Variants in NIPBL observed in about 807,000 individuals in gnomAD.
NIPBL encodes the protein NIPBL cohesin loading factor.
A neutral mutation model predicts 321.8 loss-of-function variants in NIPBL; 19 were observed. The ratio of observed to expected loss-of-function variants is 0.06; its 90% CI spans 0.04 to 0.09. NIPBL has a LOEUF of 0.09. NIPBL is among the 10% of genes least tolerant of loss of function. The pLI is 1.00. For missense variants in NIPBL, 2,210 were observed against 3,327.0 expected (o/e 0.66, Z 8.26); for synonymous variants, 1,106 against 1,114.1 (o/e 0.99, Z 0.14).
At chr5:37,035,537 T>A (rs972596759) in intron 32 of NIPBL, among the ~76,000 whole-genome samples, 12 of 152,232 alleles carry the variant, frequency 7.9e-5, no homozygotes, top group Admixed American at 1.3e-4. Flanking sequence ...TGCATTTTTT[T>A]AAATGTTAAC....
intron 9 of NIPBL, among the ~76,000 whole-genome samples, chr5:36,981,843 A>G (rs1002895346): frequency 5.3e-5 from 8 of 151,744 alleles, no homozygotes; most frequent in African/African-American, 1.5e-4. Context: ...ATGATTACCT[A>G]CTGTCATTTG....
chr5:37,016,203 A>G, intron 23 of NIPBL, 33 bp downstream of exon 23: 1 of 1,598,590 alleles, frequency 6.3e-7, no homozygotes, highest in Non-Finnish European at 8.6e-7. Context: ...TTATTAGATT[A>G]CTAGAAGACA....
chr5:36,984,568 T>C (rs1561113837), intron 9 of NIPBL, 108 bp from the exon 10 acceptor site: 1 of 970,818 alleles, frequency 1.0e-6, no homozygotes, highest in Non-Finnish European at 1.5e-6. Context: ...TGCATTTTAC[T>C]CCATTTTAAA....
intron 30 of NIPBL, among the ~76,000 whole-genome samples, chr5:37,024,928 C>T (rs902788511): frequency 2.6e-5 from 4 of 151,850 alleles, no homozygotes; most frequent in Admixed American, 2.6e-4. Context: ...CAACCAATTC[C>T]TCAGTGGTAA....
At chr5:37,026,402 A>ATTAGGTGTGGTCACTGTT in intron 31 of NIPBL, 75 bp downstream of exon 31, 1 of 812,600 alleles carries the variant, frequency 1.2e-6, no homozygotes, top group Non-Finnish European at 2.2e-6. Context: ...TTATGAAGGA[A>ATTAGGTGTGGTCACTGTT]GAGACAATAA....
At chr5:36,995,460 A>G (rs1383225948) in intron 10 of NIPBL, 162 bp from the exon 11 acceptor site, 5 of 593,968 alleles carry the variant, frequency 8.4e-6, no homozygotes, top group Non-Finnish European at 1.5e-5. Flanking sequence ...TATATTAACT[A>G]TATTGTCACT....
intron 1 of NIPBL, among the ~76,000 whole-genome samples, chr5:36,903,889 T>C (rs1346985406): frequency 1.3e-5 from 2 of 152,082 alleles, no homozygotes; most frequent in Non-Finnish European, 2.9e-5. Flanking sequence ...ACCTAATCAG[T>C]GAAAGATGTG....
Position 37,027,058 on chromosome 5 carries a change from T to C in NIPBL, c.5809-301T>C, listed in dbSNP as rs1322826714. ...CTTAATGTTTAAGATATTACAGATT[T>C]TCCTCACAGAGTGTAGTTCAAGTTA... On this transcript the variant is annotated intron_variant, in intron 31 of 46. Coordinates refer to ENST00000282516, the MANE Select transcript of NIPBL (RefSeq NM_133433.4). 2.6e-5 allele frequency among the ~76,000 whole-genome samples: 4 copies of C among 152,212 alleles called. No homozygotes were observed. In the South Asian group the frequency reaches 8.3e-4, roughly 31 times the overall value.
At chr5:37,009,433 A>T (rs902376693) in intron 20 of NIPBL, among the ~76,000 whole-genome samples, 1 of 152,206 alleles carries the variant, frequency 6.6e-6, no homozygotes, top group Non-Finnish European at 1.5e-5. Flanking sequence ...TTGACGTGGC[A>T]TATAGGATTG....
chr5:37,002,493 A>G (rs1020312819), intron 14 of NIPBL, among the ~76,000 whole-genome samples, 169 bp from the exon 15 acceptor site: 1 of 152,290 alleles, frequency 6.6e-6, no homozygotes, highest in Non-Finnish European at 1.5e-5. Flanking sequence ...TCTGACTTCA[A>G]TTTCTGTCCT....
chr5:36,958,436 G>A (rs1741228671), intron 4 of NIPBL, among the ~76,000 whole-genome samples: 1 of 152,074 alleles, frequency 6.6e-6, no homozygotes, highest in African/African-American at 2.4e-5. Context: ...AGCTTTAAGT[G>A]TATTTTGTTA....
chr5:36,940,403 C>T (rs1157683848), intron 1 of NIPBL, among the ~76,000 whole-genome samples: 1 of 152,104 alleles, frequency 6.6e-6, no homozygotes, highest in Non-Finnish European at 1.5e-5. Flanking sequence ...CTAATTTGTA[C>T]GTACCTTTTC....
intron 9 of NIPBL, 68 bp downstream of exon 9, chr5:36,976,470 T>C: frequency 1.3e-6 from 2 of 1,533,774 alleles, no homozygotes; most frequent in African/African-American, 1.4e-5. Flanking sequence ...CAAAAATTTT[T>C]TTCACATTAC....
At chr5:37,057,078 C>CT in intron 42 of NIPBL, 108 bp from the exon 43 acceptor site, 1 of 1,054,560 alleles carries the variant, frequency 9.5e-7, no homozygotes, top group African/African-American at 1.6e-5. Context: ...TTATCTCTGT[C>CT]TAACATTAAG....
chr5:36,887,463 C>T (rs959808785), intron 1 of NIPBL, among the ~76,000 whole-genome samples: 5 of 152,154 alleles, frequency 3.3e-5, no homozygotes, highest in African/African-American at 1.2e-4. Context: ...AAATTGGGGG[C>T]AGATAATGAG....
chr5:36,987,800 C>T (rs987696739), intron 10 of NIPBL, among the ~76,000 whole-genome samples: 2 of 152,058 alleles, frequency 1.3e-5, no homozygotes, highest in Non-Finnish European at 2.9e-5. Context: ...AATAAGTAGG[C>T]TTTTTTATTT....
chr5:37,011,745 T>A (rs1748150964), intron 21 of NIPBL, among the ~76,000 whole-genome samples: 1 of 152,136 alleles, frequency 6.6e-6, no homozygotes, highest in Admixed American at 6.5e-5. Flanking sequence ...TTATTTCATT[T>A]TTACGTAAAG....
intron 9 of NIPBL, among the ~76,000 whole-genome samples, chr5:36,983,529 T>G (rs1397572510): frequency 6.6e-6 from 1 of 151,976 alleles, no homozygotes; most frequent in Non-Finnish European, 1.5e-5. Context: ...CCATCTTCCT[T>G]ATATGATATA....
intron 32 of NIPBL, among the ~76,000 whole-genome samples, chr5:37,029,572 G>T (rs1340099680): frequency 3.3e-5 from 5 of 151,768 alleles, no homozygotes. Flanking sequence ...CATTTATCTT[G>T]GGTAAACTCC....
Sources: gnomAD v4.1 joint callset for allele counts (sites outside exome capture counted in the v4.1 genomes callset) on GRCh38, gnomAD v4.1.1 for gene constraint, MANE v1.5 for transcripts, NCBI Gene and HGNC (gene_info 2026-07-23, HGNC 2026-07-21) for gene names.